Variants in ANKRD30A observed in about 807,000 individuals in gnomAD.
The protein encoded by ANKRD30A is ankyrin repeat domain 30A.
ANKRD30A carries 170 observed loss-of-function variants against 166.3 expected under a neutral mutation model. That is an observed-to-expected ratio of 1.02 (90% CI 0.90 to 1.16). The LOEUF is 1.16. Among genes scored for constraint, ANKRD30A ranks in the 50% most tolerant of loss-of-function variants. The pLI, the probability that ANKRD30A is intolerant of heterozygous loss-of-function variation, is 0.00. For missense variants in ANKRD30A, 1,630 were observed against 1,518.0 expected, an observed-to-expected ratio of 1.07 and a Z score of -1.23; for synonymous variants, 564 against 508.9, an observed-to-expected ratio of 1.11 and a Z score of -1.46.
chr10:37,154,469 G>A (rs1426869102), intron 13 of ANKRD30A, among the ~76,000 whole-genome samples: 1 of 152,118 alleles, frequency 6.6e-6, no homozygotes, highest in African/African-American at 2.4e-5. Context: ...TTGGATAGAA[G>A]GTCAAGACAG....
rs964971357 is a variant in ANKRD30A at position 37,202,338 on chromosome 10, C to A, written c.2869+1013C>A. ...AGAACTCAGGATTAAGAACCTCACT[C>A]AAAACCACTTAACTACATGGAAACT... On this transcript the variant is annotated intron_variant, in intron 31 of 35. Coordinates refer to ENST00000361713, the MANE Select transcript of ANKRD30A (RefSeq NM_052997.3). 2.6e-5 allele frequency among the ~76,000 whole-genome samples: 4 copies of A among 152,102 alleles called. No individual in the cohort carries two copies. The East Asian group carries it at 5.8e-4, about 22-fold the overall frequency.
intron 31 of ANKRD30A, among the ~76,000 whole-genome samples, chr10:37,203,191 A>G (rs572313751): frequency 5.5e-4 from 84 of 152,294 alleles, no homozygotes; most frequent in African/African-American, 2.0e-3. Context: ...AAAAAACAGA[A>G]TTTTAGACCA....
At chr10:37,146,074 C>A (rs1225426895) in intron 8 of ANKRD30A, among the ~76,000 whole-genome samples, 1 of 152,282 alleles carries the variant, frequency 6.6e-6, no homozygotes, top group African/African-American at 2.4e-5. Context: ...AAGTGCCTGA[C>A]CTCTTAGATC....
intron 25 of ANKRD30A, among the ~76,000 whole-genome samples, chr10:37,189,795 A>G (rs11011058): frequency 0.16 from 23,219 of 149,714 alleles, 1,268 homozygotes; most frequent in African/African-American, 0.2. Context: ...GACGTGAGGA[A>G]AATGAGAAAA....
rs540502248 is a variant in ANKRD30A, at chr10:37,138,708, C to T, written c.820+2037C>T. 1.4e-3 allele frequency among the ~76,000 whole-genome samples: 220 copies of T among 152,228 alleles called. 2 individuals carry two copies. The highest frequency in any genetic ancestry group is 2.0e-3 in the Non-Finnish European group (136 of 68,014). ...AATAAAAAGAAATGAACAAAGCCTC[C>T]AAGACATATGGGGCTATGTGAAAAG... On this transcript the variant is annotated intron_variant, in intron 6 of 35. Coordinates refer to ENST00000361713, the MANE Select transcript of ANKRD30A (RefSeq NM_052997.3).
chr10:37,228,894 A>C (rs147586858), intron 34 of ANKRD30A, among the ~76,000 whole-genome samples: 19 of 151,996 alleles, frequency 1.3e-4, no homozygotes, highest in Admixed American at 3.9e-4. Flanking sequence ...ACAATTGCCC[A>C]CAATTTAGTG....
downstream of ANKRD30A, among the ~76,000 whole-genome samples, chr10:37,236,580 G>A (rs1038575893): frequency 9.9e-5 from 15 of 152,162 alleles, no homozygotes; most frequent in Non-Finnish European, 2.1e-4. Flanking sequence ...GAAGAAAGTG[G>A]AGAGAGCATG....
At chr10:37,200,068 G>A (rs556923577) in intron 30 of ANKRD30A, among the ~76,000 whole-genome samples, 12 of 152,098 alleles carry the variant, frequency 7.9e-5, no homozygotes, top group South Asian at 2.1e-4. Context: ...TCTGAAGTAC[G>A]TTTGTCTAAA....
At chr10:37,230,204 T>G (rs908422670) in intron 34 of ANKRD30A, among the ~76,000 whole-genome samples, 61 of 152,116 alleles carry the variant, frequency 4.0e-4, no homozygotes, top group African/African-American at 1.5e-3. Flanking sequence ...AATTAAAATT[T>G]AGGGATTTGT....
In ANKRD30A at chr10:37,197,490, T is replaced by G. The variant is rs747273796; in HGVS notation, c.2716+10T>G. The G allele has an allele frequency of 1.7e-5, 28 of 1,611,994 alleles. No individual in the cohort carries two copies. The Admixed American group carries it at 4.7e-4, about 27-fold the overall frequency. On this transcript the variant is annotated intron_variant, in intron 29 of 35. Transcript: ENST00000361713. Reference sequence around the variant, plus strand: ...CAAACATTGAGAGCAGGTACATTTTTCAATGTAACTATGCGAAGACCAATA... The same window carrying G: ...CAAACATTGAGAGCAGGTACATTTTGCAATGTAACTATGCGAAGACCAATA...
rs575815711 is a variant in ANKRD30A, at chr10:37,196,906, G to A, written c.2615-375G>A. Among the ~76,000 whole-genome samples the A allele has an allele frequency of 1.2e-4, 18 of 152,242 alleles. 1 individual carries two copies. The highest frequency in any genetic ancestry group is 6.2e-4 in the South Asian group (3 of 4,822). ...TCTCATCATAACCATGTACCTTTCC[G>A]AAGATAGGCTATGTTAAAGAACAGG... On this transcript the variant is annotated intron_variant, in intron 27 of 35. Coordinates refer to ENST00000361713, the MANE Select transcript of ANKRD30A (RefSeq NM_052997.3).
chr10:37,210,316 A>G (rs1373468324), intron 31 of ANKRD30A, among the ~76,000 whole-genome samples: 1 of 152,150 alleles, frequency 6.6e-6, no homozygotes, highest in African/African-American at 2.4e-5. Context: ...ATCACTGCAT[A>G]GTATTTTATG....
At chr10:37,151,315 T>G (rs1242176556) in intron 11 of ANKRD30A, among the ~76,000 whole-genome samples, 2 of 152,132 alleles carry the variant, frequency 1.3e-5, no homozygotes, top group Non-Finnish European at 2.9e-5. Context: ...TGGGCCTTGA[T>G]TTTATCCTAT....
At chr10:37,150,282 A>G (rs1468291563) in intron 11 of ANKRD30A, among the ~76,000 whole-genome samples, 2 of 152,074 alleles carry the variant, frequency 1.3e-5, no homozygotes, top group Non-Finnish European at 2.9e-5. Flanking sequence ...TGGGAATCCT[A>G]AGAAAATCAG....
At chr10:37,172,778 G>C (rs1278856472) in intron 21 of ANKRD30A, among the ~76,000 whole-genome samples, 13 of 146,476 alleles carry the variant, frequency 8.9e-5, no homozygotes, top group East Asian at 2.1e-4. Flanking sequence ...TCAGGCATGA[G>C]AAATATATAT....
At chr10:37,142,932 T>C (rs1209046327) in intron 7 of ANKRD30A, among the ~76,000 whole-genome samples, 1 of 152,102 alleles carries the variant, frequency 6.6e-6, no homozygotes, top group Non-Finnish European at 1.5e-5. Context: ...ATAATCATGC[T>C]CTCTCAAGAC....
chr10:37,162,194 C>A (rs1838958024), intron 15 of ANKRD30A, among the ~76,000 whole-genome samples: 2 of 152,098 alleles, frequency 1.3e-5, no homozygotes, highest in Non-Finnish European at 2.9e-5. Context: ...TATATCCAAG[C>A]TGAACAATTC....
chr10:37,154,072 A>T (rs1435858151), intron 13 of ANKRD30A, among the ~76,000 whole-genome samples: 2 of 152,190 alleles, frequency 1.3e-5, no homozygotes, highest in African/African-American at 2.4e-5. Context: ...TGGGAAGAAT[A>T]TAAAGTGACC....
At chr10:37,156,279 T>C (rs1838375144) in intron 13 of ANKRD30A, among the ~76,000 whole-genome samples, 1 of 152,126 alleles carries the variant, frequency 6.6e-6, no homozygotes, top group Admixed American at 6.5e-5. Flanking sequence ...TACATTTCAA[T>C]AGCCATTACA....
Sources: gnomAD v4.1 joint callset for allele counts (sites outside exome capture counted in the v4.1 genomes callset) on GRCh38, gnomAD v4.1.1 for gene constraint, MANE v1.5 for transcripts, NCBI Gene and HGNC (gene_info 2026-07-23, HGNC 2026-07-21) for gene names.